The following MTMR9 variants were observed in gnomAD, a reference collection of about 807,000 sequenced individuals.
The protein encoded by MTMR9 is myotubularin related protein 9.
A neutral mutation model predicts 69.5 loss-of-function variants in MTMR9; 39 were observed. The ratio of observed to expected loss-of-function variants is 0.56; its 90% CI spans 0.43 to 0.73. The LOEUF (loss-of-function observed/expected upper bound fraction) is 0.73, where lower values mean the gene tolerates loss of function less well. MTMR9 is among the 30% of genes least tolerant of loss of function. The probability of loss-of-function intolerance (pLI) is 0.00; values close to 1 mark genes in which losing one functional copy is unlikely to be tolerated. For missense variants in MTMR9, 900 were observed against 671.2 expected, an observed-to-expected ratio of 1.34 and a Z score of -3.77; for synonymous variants, 354 against 240.8, an observed-to-expected ratio of 1.47 and a Z score of -4.35.
intron 5 of MTMR9, among the ~76,000 whole-genome samples, chr8:11,306,671 C>T (rs117687130): frequency 3.7e-3 from 556 of 152,246 alleles, no homozygotes; most frequent in Non-Finnish European, 6.5e-3. Context: ...TAACCTATCA[C>T]GTCGCATAGT....
At chr8:11,319,970 T>A in intron 9 of MTMR9, 132 bp downstream of exon 9, 1 of 790,340 alleles carries the variant, frequency 1.3e-6, no homozygotes, top group Non-Finnish European at 1.9e-6. Context: ...ATTGTCATTC[T>A]CAGTGTGGGC....
chr8:11,298,791 A>C (rs764681507), intron 2 of MTMR9: 2 of 975,068 alleles, frequency 2.1e-6, no homozygotes, highest in African/African-American at 3.7e-5. Context: ...GAATCTGCCT[A>C]GTGATAGAGA....
chr8:11,304,780 C>T, intron 3 of MTMR9, 61 bp from the exon 4 acceptor site: 1 of 1,544,680 alleles, frequency 6.5e-7, no homozygotes, highest in East Asian at 2.3e-5. Flanking sequence ...TTTAAAATTT[C>T]TCAGATTATT....
intron 1 of MTMR9, among the ~76,000 whole-genome samples, chr8:11,288,243 TA>T: frequency 7.3e-6 from 1 of 137,286 alleles, no homozygotes; most frequent in South Asian, 2.1e-4. Flanking sequence ...ATAATAATAA[TA>T]ATTATATTAT....
intron 6 of MTMR9, 34 bp from the exon 7 acceptor site, chr8:11,314,889 T>A (rs753956140): frequency 6.2e-7 from 1 of 1,604,162 alleles, no homozygotes; most frequent in Non-Finnish European, 8.5e-7. Context: ...GTTGGACATT[T>A]CCCATTTGTA....
At chr8:11,309,750 T>G in intron 6 of MTMR9, 62 bp downstream of exon 6, 1 of 1,559,868 alleles carries the variant, frequency 6.4e-7, no homozygotes, top group African/African-American at 1.4e-5. Context: ...TTTGTGTTTA[T>G]CCAGACATAT....
Position 11,325,660 on chromosome 8 carries a change from T to C in MTMR9, c.*2872T>C, listed in dbSNP as rs1015879225. ...GATCCTCAGATTTAAATAAGTACTT[T>C]TTTTTTTTTTAATCAGAAGAACATT... On this transcript the variant is annotated 3_prime_UTR_variant, in exon 10 of 10. Transcript: ENST00000221086. 2 of 151,430 alleles carry C rather than the reference T, an allele frequency of 1.3e-5. No homozygotes were observed. Among genetic ancestry groups the C allele is most frequent in the Non-Finnish European group, 2.9e-5 (2 of 67,886 alleles). 9.4% of individuals were successfully genotyped at this position (151,430 alleles called of 1,614,324 possible). A position where few individuals can be genotyped will look rare whatever the true frequency, so the allele number is the denominator to read the frequency against.
At chr8:11,333,177 A>G in the MTMR9 span, among the ~76,000 whole-genome samples, 629 of 152,320 alleles carry the variant, frequency 4.1e-3, 7 homozygotes, top group African/African-American at 0.013. Flanking sequence ...CTCTAATACC[A>G]TAAACTCAAA....
intron 5 of MTMR9, among the ~76,000 whole-genome samples, chr8:11,308,317 G>A (rs12676062): frequency 0.18 from 27,098 of 151,980 alleles, 3,083 homozygotes; most frequent in African/African-American, 0.32. Flanking sequence ...GTATGTTCTC[G>A]GCAACTTTTT....
the MTMR9 span, among the ~76,000 whole-genome samples, chr8:11,336,448 G>A: frequency 5.9e-5 from 9 of 152,262 alleles, no homozygotes; most frequent in African/African-American, 1.7e-4. Flanking sequence ...CATTCACACC[G>A]AAATATAAAA....
intron 2 of MTMR9, chr8:11,298,803 T>G (rs1160408112): frequency 1.0e-6 from 1 of 980,016 alleles, no homozygotes; most frequent in Non-Finnish European, 1.2e-6. Flanking sequence ...TGATAGAGAC[T>G]TTCCTTCTCT....
intron 5 of MTMR9, among the ~76,000 whole-genome samples, chr8:11,307,577 T>C (rs1246974667): frequency 1.3e-5 from 2 of 152,230 alleles, no homozygotes; most frequent in African/African-American, 2.4e-5. Context: ...GTGGGATTAC[T>C]GGATCTTATT....
Position 11,284,988 on chromosome 8 carries a change from C to A in MTMR9, c.100C>A (p.His34Asn). ...CGAGGGCACCCTGTGCCTGACGGGC[C>A]ACCACTTGATCCTGTCCTCCCGGCA... Reference protein sequence around the residue: ...AVEGTLCLTGHHLILSSRQDN... With the variant: ...AVEGTLCLTGNHLILSSRQDN... The change falls in exon 1 of 10, where the codon CAC becomes AAC. Residue 34 changes from histidine (H) to asparagine (N), a missense_variant. Transcript: ENST00000221086. 1 of 1,613,856 alleles carries A rather than the reference C, an allele frequency of 6.2e-7. No individual in the cohort carries two copies.
At chr8:11,305,074 A>AC in intron 4 of MTMR9, 60 bp downstream of exon 4, 1 of 1,512,878 alleles carries the variant, frequency 6.6e-7, no homozygotes, top group East Asian at 2.3e-5. Flanking sequence ...ATCTTTTCGT[A>AC]GAAATGTTCC....
At chr8:11,312,904 G>C (rs756682375) in intron 6 of MTMR9, among the ~76,000 whole-genome samples, 2 of 152,192 alleles carry the variant, frequency 1.3e-5, no homozygotes, top group Non-Finnish European at 2.9e-5. Context: ...TAAGTGACCA[G>C]GTGCATTGTC....
downstream of MTMR9, chr8:11,330,855 C>G (rs1304468626): frequency 3.2e-6 from 2 of 632,586 alleles, no homozygotes; most frequent in Non-Finnish European, 5.2e-6. Flanking sequence ...CTTCCCTCCA[C>G]TATTGTCCTA....
In MTMR9 at chr8:11,326,240, T is replaced by C. The variant is rs1250856940; in HGVS notation, c.*3452T>C. The C allele has an allele frequency of 7.2e-6, 1 of 138,144 alleles. No homozygotes were observed. The highest frequency in any genetic ancestry group is 2.7e-4 in the East Asian group (1 of 3,732). The allele number at this position is 138,144 out of a possible 1,614,324, so 8.6% of individuals were successfully genotyped here. On this transcript the variant is annotated 3_prime_UTR_variant, in exon 10 of 10. Transcript: ENST00000221086. The stretch of plus-strand genomic sequence containing the variant: ...AGCTGTTTGAATTGTCATTCTAAAG[T>C]AGGTCATCAGGTTCACTTATTATCC...
At chr8:11,289,330 G>C (rs1012993873) in intron 1 of MTMR9, among the ~76,000 whole-genome samples, 3 of 152,214 alleles carry the variant, frequency 2.0e-5, no homozygotes, top group Non-Finnish European at 4.4e-5. Context: ...CCTCTTACTA[G>C]ACAAGTGCCT....
rs1030345453 is a variant in MTMR9 at position 11,295,297 on chromosome 8, A to G, written c.286A>G (p.Ile96Val). Reference protein sequence around the residue: ...MEECLNIASSIEALSTLDSIT... With the variant: ...MEECLNIASSVEALSTLDSIT... Reference sequence around the variant, plus strand: ...GGAATGCTTGAATATAGCCAGTTCCATTGAGGTAAGTATTTTGGAAGCAAA... The same window carrying G: ...GGAATGCTTGAATATAGCCAGTTCCGTTGAGGTAAGTATTTTGGAAGCAAA... The change falls in exon 2 of 10, where the codon ATT becomes GTT. Residue 96 changes from isoleucine to valine, a missense_variant. Physicochemically the swap from Ile to Val is conservative, Grantham distance 29 (BLOSUM62 3). Transcript: ENST00000221086. The G allele has an allele frequency of 1.3e-6, 2 of 1,569,226 alleles. No homozygotes were observed. The highest frequency in any genetic ancestry group is 8.8e-7 in the Non-Finnish European group (1 of 1,141,864).
Sources: gnomAD v4.1 joint callset for allele counts (sites outside exome capture counted in the v4.1 genomes callset) on GRCh38, gnomAD v4.1.1 for gene constraint, MANE v1.5 for transcripts, NCBI Gene and HGNC (gene_info 2026-07-23, HGNC 2026-07-21) for gene names.